Variants in DNAH2 observed in about 807,000 individuals in gnomAD.
DNAH2 encodes dynein axonemal heavy chain 2, also known as axonemal beta dynein heavy chain 2.
Under a neutral mutation model 523.5 loss-of-function variants are expected in DNAH2, and 323 were observed. The observed-to-expected ratio is 0.62, with a 90% CI of 0.56 to 0.68. The LOEUF is 0.68. Among genes scored for constraint, DNAH2 ranks in the 30% least tolerant of loss-of-function variants. DNAH2 has a pLI of 0.00. For missense variants in DNAH2, 4,907 were observed against 5,701.5 expected, an observed-to-expected ratio of 0.86 and a Z score of 4.49; for synonymous variants, 2,093 against 2,177.4, an observed-to-expected ratio of 0.96 and a Z score of 1.08.
At chr17:7,793,299 A>G in intron 48 of DNAH2, 94 bp downstream of exon 48, 1 of 1,308,546 alleles carries the variant, frequency 7.6e-7, no homozygotes, top group Admixed American at 2.3e-5. Flanking sequence ...TGGTCCTGTC[A>G]TCTTGGATTC....
rs2078259498 is a variant in DNAH2, at chr17:7,833,612, G to A, written c.*79G>A. The A allele has an allele frequency of 1.3e-6, 2 of 1,588,588 alleles. No homozygotes were observed. The highest frequency in any genetic ancestry group is 1.7e-5 in the Admixed American group (1 of 58,552). On this transcript the variant is annotated 3_prime_UTR_variant, in exon 86 of 86. Transcript: ENST00000572933. The stretch of plus-strand genomic sequence containing the variant: ...GACAGATGTTGCACCTAGGACTGAG[G>A]CCGGACCTCACTCAGACTTTGACCT...
At chr17:7,734,906 A>G (rs1001888118) in intron 7 of DNAH2, among the ~76,000 whole-genome samples, 198 bp downstream of exon 7, 8 of 151,736 alleles carry the variant, frequency 5.3e-5, no homozygotes, top group African/African-American at 1.9e-4. Flanking sequence ...CATCAAGTTA[A>G]CCAATAAATA....
intron 53 of DNAH2, 107 bp downstream of exon 53, chr17:7,797,936 G>T (rs2151286831): frequency 6.8e-7 from 1 of 1,478,276 alleles, no homozygotes; most frequent in East Asian, 2.3e-5. Flanking sequence ...TCCAGAAGCT[G>T]CCTTTCTCCC....
chr17:7,824,454 C>T, intron 76 of DNAH2, 83 bp from the exon 77 acceptor site: 2 of 1,405,958 alleles, frequency 1.4e-6, no homozygotes, highest in Non-Finnish European at 1.9e-6. Flanking sequence ...CCCCCAGCAC[C>T]CCCACCCCAA....
rs756501628 is a variant in DNAH2 at position 7,805,368 on chromosome 17, A to G, written c.9417A>G (p.Thr3139=). 1.2e-6 allele frequency: 2 copies of G among 1,614,264 alleles called. No individual in the cohort carries two copies. The highest frequency in any genetic ancestry group is 1.1e-5 in the South Asian group (1 of 91,088). ...AVMILRGNEP[T]WAEAKRQLGE... ...TGATTCTTCGAGGCAACGAGCCCAC[A>G]TGGGCAGAGGCCAAGAGGCAGCTAG... The change falls in exon 61 of 86, where the codon ACA becomes ACG. Residue 3139 remains threonine, a synonymous_variant. Coordinates refer to ENST00000572933, the MANE Select transcript of DNAH2 (RefSeq NM_020877.5).
intron 3 of DNAH2, among the ~76,000 whole-genome samples, chr17:7,725,841 G>A (rs959573592): frequency 1.3e-5 from 2 of 151,360 alleles, no homozygotes; most frequent in Admixed American, 6.6e-5. Flanking sequence ...TTTTCTTATT[G>A]GTTCATCCTG....
rs369135431 is a variant in DNAH2, at chr17:7,801,715, G to T, written c.8832+5G>T. 6.2e-7 allele frequency: 1 copy of T among 1,613,908 alleles called. No homozygotes were observed. The highest frequency in any genetic ancestry group is 8.5e-7 in the Non-Finnish European group (1 of 1,179,980). On this transcript the variant is annotated splice_donor_5th_base_variant and intron_variant, in intron 57 of 85. Transcript: ENST00000572933. Reference sequence around the variant, plus strand: ...GACCTGGGAACTCAGGAGAATGTGAGCCCCTCCTCCCCACCTCTCATTGCA... The same window carrying T: ...GACCTGGGAACTCAGGAGAATGTGATCCCCTCCTCCCCACCTCTCATTGCA...
intron 32 of DNAH2, among the ~76,000 whole-genome samples, chr17:7,777,139 A>G (rs933808154): frequency 1.3e-5 from 2 of 151,844 alleles, no homozygotes; most frequent in Non-Finnish European, 2.9e-5. Flanking sequence ...AAAAAAAAAA[A>G]AAAAGAAAGA....
chr17:7,829,326 C>G, intron 77 of DNAH2, among the ~76,000 whole-genome samples: 1 of 152,130 alleles, frequency 6.6e-6, no homozygotes, highest in East Asian at 1.9e-4. Context: ...ATCCATTACT[C>G]TTATTGCATC....
chr17:7,723,844 G>A (rs2074710433), intron 3 of DNAH2, among the ~76,000 whole-genome samples, 155 bp downstream of exon 3: 1 of 152,038 alleles, frequency 6.6e-6, no homozygotes, highest in Non-Finnish European at 1.5e-5. Context: ...CCAGTTCACT[G>A]AGTAAAAGAC....
Position 7,802,132 on chromosome 17 carries a change from A to G in DNAH2, c.8972+115A>G, listed in dbSNP as rs2077240370. The G allele has an allele frequency of 5.6e-6, 8 of 1,421,440 alleles. No homozygotes were observed. The Admixed American group carries it at 1.7e-4, about 30-fold the overall frequency. The allele number at this position is 1,421,440 out of a possible 1,614,324, so 88.1% of individuals were successfully genotyped here. On this transcript the variant is annotated intron_variant, in intron 58 of 85. Transcript: ENST00000572933. ...AGACACAAAGGCCACAGTTCTGCCCAGGAAGTTGGGAAGAGGGAGTTGGGG... is the reference window on the plus strand; with the variant it reads ...AGACACAAAGGCCACAGTTCTGCCCGGGAAGTTGGGAAGAGGGAGTTGGGG...
chr17:7,771,049 A>C (rs573583229), intron 27 of DNAH2, 116 bp downstream of exon 27: 1 of 1,174,702 alleles, frequency 8.5e-7, no homozygotes, highest in South Asian at 1.6e-5. Flanking sequence ...GTCACTCTTC[A>C]TCTAGGACCC....
intron 22 of DNAH2, among the ~76,000 whole-genome samples, chr17:7,767,446 T>C (rs1035140233): frequency 4.6e-5 from 7 of 152,044 alleles, no homozygotes; most frequent in Non-Finnish European, 8.8e-5. Context: ...TTCTTGTGAG[T>C]GTAAGCCTAG....
At position 7,766,441 on chromosome 17, in the gene DNAH2, T is replaced by C; in HGVS notation, c.3635T>C (p.Ile1212Thr). 1 of 1,613,860 alleles carries C rather than the reference T, an allele frequency of 6.2e-7. No individual in the cohort carries two copies. Among genetic ancestry groups the C allele is most frequent in the Non-Finnish European group, 8.5e-7 (1 of 1,179,924 alleles). Residue 1212 changes from isoleucine to threonine, a missense_variant, in exon 22 of 86, where the codon ATC becomes ACC. By Grantham distance (89) the Ile-to-Thr change is moderately conservative. Transcript: ENST00000572933. ...SLRANLGIFK[I>T]EQPPSKDLQN... ...CGAGCCAACCTGGGCATCTTCAAGA[T>C]CGAGCAGCCACCCTCCAAGGACCTT...
chr17:7,789,367 G>A (rs1343143552), intron 44 of DNAH2, among the ~76,000 whole-genome samples: 1 of 152,168 alleles, frequency 6.6e-6, no homozygotes, highest in Non-Finnish European at 1.5e-5. Flanking sequence ...GGCGGGCCGA[G>A]CTGGTGGTCT....
At position 7,780,277 on chromosome 17, in the gene DNAH2, A is replaced by G. The variant is rs1567686501; in HGVS notation, c.5843A>G (p.Asn1948Ser). 4 of 1,614,114 alleles carry G rather than the reference A, an allele frequency of 2.5e-6. No individual in the cohort carries two copies. The highest frequency in any genetic ancestry group is 2.5e-6 in the Non-Finnish European group (3 of 1,180,014). Residue 1948 changes from asparagine to serine, a missense_variant, in exon 37 of 86, where the codon AAC (asparagine) becomes AGC (serine). Physicochemically the swap from Asn to Ser is conservative, Grantham distance 46 (BLOSUM62 1). Transcript: ENST00000572933. The surrounding 1 kb of genome is among the most constrained non-coding windows in gnomAD (Gnocchi z 4.4). ...EIILFGEGFG[N>S]CKILAKKVYT... ...ATTCTCTTTGGAGAGGGCTTTGGCA[A>G]CTGCAAGGTACTCCAATAACCCCTT... is the stretch of plus-strand genomic sequence containing the variant.
chr17:7,821,348 C>A lies in DNAH2; in HGVS notation c.11121C>A (p.Asn3707Lys), dbSNP rs1342246844. The A allele has an allele frequency of 6.2e-7, 1 of 1,613,308 alleles. No individual in the cohort carries two copies. The highest frequency in any genetic ancestry group is 8.5e-7 in the Non-Finnish European group (1 of 1,179,622). Residue 3707 changes from asparagine to lysine, a missense_variant, in exon 73 of 86, where the codon AAC becomes AAA. This residue lies in a region of DNAH2 where 1,851 missense variants were observed against 2,139.4 expected (regional missense o/e 0.87). Transcript: ENST00000572933. The surrounding 1 kb of genome is among the most constrained non-coding windows in gnomAD (Gnocchi z 5.0). ...TSGKLNMDEY[N>K]FFLRGGVVLD... Reference sequence around the variant, plus strand: ...GCAAGCTCAACATGGATGAATACAACTTCTTTCTACGTGGGGGTGTGGTGA... The same window carrying A: ...GCAAGCTCAACATGGATGAATACAAATTCTTTCTACGTGGGGGTGTGGTGA...
chr17:7,757,354 A>T, intron 13 of DNAH2, 117 bp downstream of exon 13: 1 of 1,323,316 alleles, frequency 7.6e-7, no homozygotes, highest in Non-Finnish European at 1.0e-6. Flanking sequence ...CATCTTTTCC[A>T]TCTCAAAAAA....
chr17:7,777,329 A>T, intron 32 of DNAH2, 117 bp from the exon 33 acceptor site: 2 of 1,080,660 alleles, frequency 1.9e-6, no homozygotes, highest in Non-Finnish European at 2.8e-6. Flanking sequence ...AATTACCAGG[A>T]GTTACAGCAG....
Sources: gnomAD v4.1 joint callset for allele counts (sites outside exome capture counted in the v4.1 genomes callset) on GRCh38, gnomAD v4.1.1 for gene constraint, gnomAD v4.1.1 regional missense constraint, Gnocchi (gnomAD v3.1) non-coding constraint, MANE v1.5 for transcripts, NCBI Gene and HGNC (gene_info 2026-07-23, HGNC 2026-07-21) for gene names.